DHX58: variants seen among roughly 807,000 people sequenced by gnomAD.
The protein encoded by DHX58 is ATP-dependent RNA helicase DHX58.
DHX58 carries 51 observed loss-of-function variants against 65.0 expected under a neutral mutation model. That is an observed-to-expected ratio of 0.78 (90% CI 0.63 to 0.99). DHX58 has a LOEUF of 0.99. Ranked by LOEUF, DHX58 falls within the 50% of genes least tolerant of loss-of-function variation. The pLI is 0.00. For synonymous variants in DHX58, 350 were observed against 365.0 expected (o/e 0.96, Z 0.47); for missense variants, 773 against 891.8 (o/e 0.87, Z 1.70).
chr17:42,107,554 G>T, intron 8 of DHX58, 50 bp downstream of exon 8: 2 of 1,481,496 alleles, frequency 1.3e-6, no homozygotes, highest in Non-Finnish European at 1.8e-6. Context: ...CTCTGACCTC[G>T]CATCCAGGTC....
Position 42,105,772 on chromosome 17 carries a change from C to A in DHX58, c.1215G>T (p.Gly405=). 7 of 1,606,570 alleles carry A rather than the reference C, an allele frequency of 4.4e-6. No individual in the cohort carries two copies. The highest frequency in any genetic ancestry group is 6.0e-6 in the Non-Finnish European group (7 of 1,175,856). Residue 405 remains glycine (G), a synonymous_variant, in exon 9 of 14, where the codon GGG becomes GGT. Transcript: ENST00000251642. ...TVDIRAQLLI[G]AGNSSQSTHM... ...GGGTGCTCTGGCTGCTGTTCCCAGC[C>A]CCAATCAGTAGCTGGGCCCGGATGT... is the stretch of plus-strand genomic sequence containing the variant.
At position 42,103,817 on chromosome 17, in the gene DHX58, C is replaced by T; in HGVS notation, c.1564-19G>A. The T allele has an allele frequency of 1.3e-6, 2 of 1,596,164 alleles. No individual in the cohort carries two copies. The highest frequency in any genetic ancestry group is 1.7e-6 in the Non-Finnish European group (2 of 1,175,398). The stretch of plus-strand genomic sequence containing the variant: ...CCCGGATCTGGGGTGGGAGGAGACA[C>T]CAGGCATGGCTGGGGCCTAAGAGAA... On this transcript the variant is annotated intron_variant, in intron 11 of 13. Transcript: ENST00000251642.
Position 42,101,481 on chromosome 17 carries a change from G to A in DHX58, c.*280C>T, listed in dbSNP as rs1001314696. ...GTGGCCTTGGTAGGGAAGGAATGTC[G>A]TGATTCTGAGTACAGTATGGCAAAT... is the stretch of plus-strand genomic sequence containing the variant. On this transcript the variant is annotated 3_prime_UTR_variant, in exon 14 of 14. Transcript: ENST00000251642. 2.9e-5 allele frequency: 9 copies of A among 315,136 alleles called. No individual in the cohort carries two copies. Among genetic ancestry groups the A allele is most frequent in the African/African-American group, 8.6e-5 (4 of 46,714 alleles). The allele number at this position is 315,136 out of a possible 1,614,324, so 19.5% of individuals were successfully genotyped here.
At chr17:42,107,943 C>A in intron 7 of DHX58, 39 bp downstream of exon 7, 1 of 1,613,342 alleles carries the variant, frequency 6.2e-7, no homozygotes, top group Non-Finnish European at 8.5e-7. Context: ...CTGACCACTC[C>A]CACATCCTCG....
intron 6 of DHX58, among the ~76,000 whole-genome samples, chr17:42,108,614 TG>T (rs1555663374): frequency 6.6e-6 from 1 of 150,656 alleles, no homozygotes; most frequent in East Asian, 1.9e-4. Flanking sequence ...AGGTGGGCAG[TG>T]GGGAGCCAGG....
chr17:42,104,684 G>T, intron 11 of DHX58, 82 bp downstream of exon 11: 3 of 1,548,524 alleles, frequency 1.9e-6, no homozygotes, highest in Non-Finnish European at 2.6e-6. Flanking sequence ...ACAGGGGGAC[G>T]TATGTGTGCA....
Position 42,103,625 on chromosome 17 carries a change from A to G in DHX58, c.1737T>C (p.Asn579=). 6.2e-7 allele frequency: 1 copy of G among 1,614,060 alleles called. No individual in the cohort carries two copies. Residue 579 remains asparagine, a synonymous_variant, in exon 12 of 14, where the codon AAT becomes AAC. Transcript: ENST00000251642. ...LRKVEGTHHV[N]VNPNFSNYYN... ...GGTCTCACGAGAAGTTGGGGTTCAC[A>G]TTGACATGGTGGGTGCCCTCCACCT... is the stretch of plus-strand genomic sequence containing the variant.
chr17:42,111,217 G>C lies in DHX58; in HGVS notation c.370+79C>G. ...CTCCCACTAAAACTCCCAACACCTT[G>C]ACTCCAGGAGGTGCCCTGGGGTTGG... On this transcript the variant is annotated intron_variant, in intron 4 of 13. Coordinates refer to ENST00000251642, the MANE Select transcript of DHX58 (RefSeq NM_024119.3). 4 of 1,527,516 alleles carry C rather than the reference G, an allele frequency of 2.6e-6. No homozygotes were observed. The South Asian group carries it at 4.9e-5, about 19-fold the overall frequency. The allele number at this position is 1,527,516 out of a possible 1,614,324, so 94.6% of individuals were successfully genotyped here. A position where few individuals can be genotyped will look rare whatever the true frequency, so the allele number is the denominator to read the frequency against.
rs2054011348 is a variant in DHX58 at position 42,103,676 on chromosome 17, A to G, written c.1686T>C (p.Ala562=). ...TCCGCAGGTCGCTGCCATGGCCCAC[A>G]GCCACCATGCAGTTGATGCAGAGTA... is the stretch of plus-strand genomic sequence containing the variant. The part of the protein sequence containing the change: ...VQLLCINCMV[A]VGHGSDLRKV... The change falls in exon 12 of 14, where the codon GCT becomes GCC. Residue 562 remains alanine, a synonymous_variant. Coordinates refer to ENST00000251642, the MANE Select transcript of DHX58 (RefSeq NM_024119.3). The G allele has an allele frequency of 1.2e-6, 2 of 1,613,920 alleles. No individual in the cohort carries two copies. Among genetic ancestry groups the G allele is most frequent in the Non-Finnish European group, 8.5e-7 (1 of 1,180,038 alleles).
rs782036902 is a variant in DHX58, at chr17:42,103,654, G to A, written c.1708C>T (p.Arg570Trp). 28 of 1,613,870 alleles carry A rather than the reference G, an allele frequency of 1.7e-5. No individual in the cohort carries two copies. The highest frequency in any genetic ancestry group is 3.3e-5 in the South Asian group (3 of 91,084). ...MVAVGHGSDL[R>W]KVEGTHHVNV... Reference sequence around the variant, plus strand: ...ACATGGTGGGTGCCCTCCACCTTCCGCAGGTCGCTGCCATGGCCCACAGCC... The same window carrying A: ...ACATGGTGGGTGCCCTCCACCTTCCACAGGTCGCTGCCATGGCCCACAGCC... Residue 570 changes from arginine (R) to tryptophan (W), a missense_variant, in exon 12 of 14, where the codon CGG becomes TGG. Arg to Trp is a moderately radical substitution (Grantham distance 101). Coordinates refer to ENST00000251642, the MANE Select transcript of DHX58 (RefSeq NM_024119.3).
rs1189668331 is a variant in DHX58 at position 42,108,249 on chromosome 17, C to T, written c.679-141G>A. Reference sequence around the variant, plus strand: ...TGTGGTGTGAGCTCCAGAGGGAGGCCGGCTAGGGTGTGGGGGAGTCCTGCC... The same window carrying T: ...TGTGGTGTGAGCTCCAGAGGGAGGCTGGCTAGGGTGTGGGGGAGTCCTGCC... On this transcript the variant is annotated intron_variant, in intron 6 of 13. Coordinates refer to ENST00000251642, the MANE Select transcript of DHX58 (RefSeq NM_024119.3). The T allele has an allele frequency of 2.5e-5, 33 of 1,346,372 alleles. No homozygotes were observed. The East Asian group carries it at 4.0e-4, about 16-fold the overall frequency. The allele number at this position is 1,346,372 out of a possible 1,614,324, so 83.4% of individuals were successfully genotyped here. A position where few individuals can be genotyped will look rare whatever the true frequency, so the allele number is the denominator to read the frequency against.
intron 11 of DHX58, among the ~76,000 whole-genome samples, chr17:42,104,517 A>G (rs2143989043): frequency 6.6e-6 from 1 of 152,274 alleles, no homozygotes; most frequent in East Asian, 1.9e-4. Flanking sequence ...TTCCAGATAC[A>G]TAAAGTATCT....
intron 8 of DHX58, 21 bp downstream of exon 8, chr17:42,107,583 A>G (rs1438994380): frequency 8.4e-6 from 9 of 1,076,496 alleles, no homozygotes; most frequent in African/African-American, 3.2e-5. Context: ...CCCGGCCCCG[A>G]AGCCCCCTCC....
At chr17:42,104,054 T>G (rs2054016990) in intron 11 of DHX58, among the ~76,000 whole-genome samples, 1 of 152,010 alleles carries the variant, frequency 6.6e-6, no homozygotes, top group Non-Finnish European at 1.5e-5. Flanking sequence ...TGAAACCCCA[T>G]CTCTACTGAA....
In DHX58 at chr17:42,104,862, C is replaced by G. The variant is rs2143990240; in HGVS notation, c.1467G>C (p.Glu489Asp). The change falls in exon 11 of 14, where the codon GAG becomes GAC. Residue 489 changes from glutamate (E) to aspartate (D), a missense_variant. Transcript: ENST00000251642. ...CCTCGTTGATCAGCTCCCGCTTCAG[C>G]TCCCGGCTACCTTCAGTTGCTACAA... ...YAFVATEGSR[E>D]LKRELINEAL... 1 of 1,614,198 alleles carries G rather than the reference C, an allele frequency of 6.2e-7. No homozygotes were observed. The highest frequency in any genetic ancestry group is 8.5e-7 in the Non-Finnish European group (1 of 1,180,034).
intron 12 of DHX58, chr17:42,102,930 T>C (rs1174368957): frequency 2.0e-5 from 3 of 152,258 alleles, no homozygotes; most frequent in South Asian, 2.1e-4. Context: ...ATTACAAGCA[T>C]GGGCCACCAC....
intron 5 of DHX58, 63 bp from the exon 6 acceptor site, chr17:42,109,449 G>A: frequency 2.2e-6 from 3 of 1,383,586 alleles, no homozygotes; most frequent in Non-Finnish European, 1.0e-6. Context: ...TCAAAGATTT[G>A]GGGCAGGATG....
intron 6 of DHX58, 91 bp from the exon 7 acceptor site, chr17:42,108,199 G>A (rs2054095483): frequency 1.3e-6 from 2 of 1,575,080 alleles, no homozygotes; most frequent in Middle Eastern, 1.8e-4. Flanking sequence ...AGCACACCGC[G>A]ACTGCCTCAC....
rs782637856 is a variant in DHX58 at position 42,105,776 on chromosome 17, A to G, written c.1211T>C (p.Ile404Thr). 28 of 1,607,790 alleles carry G rather than the reference A, an allele frequency of 1.7e-5. No homozygotes were observed. The East Asian group carries it at 3.6e-4, about 21-fold the overall frequency. ...GCTCTGGCTGCTGTTCCCAGCCCCAATCAGTAGCTGGGCCCGGATGTCCAC... is the reference window on the plus strand; with the variant it reads ...GCTCTGGCTGCTGTTCCCAGCCCCAGTCAGTAGCTGGGCCCGGATGTCCAC... ...QTVDIRAQLL[I>T]GAGNSSQSTH... The change falls in exon 9 of 14, where the codon ATT (isoleucine) becomes ACT (threonine). Residue 404 changes from isoleucine to threonine, a missense_variant. Transcript: ENST00000251642.
Sources: gnomAD v4.1 joint callset for allele counts (sites outside exome capture counted in the v4.1 genomes callset) on GRCh38, gnomAD v4.1.1 for gene constraint, MANE v1.5 for transcripts, NCBI Gene and HGNC (gene_info 2026-07-23, HGNC 2026-07-21) for gene names.